ESYT2: variants seen among roughly 807,000 people sequenced by gnomAD.
ESYT2 encodes extended synaptotagmin 2.
Under a neutral mutation model 107.2 loss-of-function variants are expected in ESYT2, and 54 were observed. The observed-to-expected ratio is 0.50, with a 90% CI of 0.40 to 0.63. ESYT2 has a LOEUF of 0.63. Ranked by LOEUF, ESYT2 falls within the 30% of genes least tolerant of loss-of-function variation. The probability of loss-of-function intolerance (pLI) is 0.00; values close to 1 mark genes in which losing one functional copy is unlikely to be tolerated. For synonymous variants in ESYT2, 491 were observed against 434.1 expected, an observed-to-expected ratio of 1.13 and a Z score of -1.63; for missense variants, 1,020 against 1,094.5, an observed-to-expected ratio of 0.93 and a Z score of 0.96.
At chr7:158,754,918 C>G (rs1213634289) in intron 13 of ESYT2, among the ~76,000 whole-genome samples, 1 of 152,124 alleles carries the variant, frequency 6.6e-6, no homozygotes, top group Admixed American at 6.5e-5. Flanking sequence ...AGACCCCTGC[C>G]TGGCTCCTGG....
chr7:158,814,581 C>G (rs932200395), intron 1 of ESYT2, among the ~76,000 whole-genome samples: 1 of 152,138 alleles, frequency 6.6e-6, no homozygotes, highest in African/African-American at 2.4e-5. Context: ...CACCTCCTAA[C>G]GTATTTAAGA....
chr7:158,737,199 A>G lies in ESYT2; in HGVS notation c.2268-20T>C. 6.2e-7 allele frequency: 1 copy of G among 1,612,026 alleles called. No individual in the cohort carries two copies. The highest frequency in any genetic ancestry group is 8.5e-7 in the Non-Finnish European group (1 of 1,178,582). ...AGGTTTCTTACAACACAAACCAGAT[A>G]AGACGAGGTATTAGGACCGAGAAAA... On this transcript the variant is annotated intron_variant, in intron 19 of 22. Transcript: ENST00000275418.
chr7:158,741,615 G>C lies in ESYT2; in HGVS notation c.2076C>G (p.Ile692Met). ...TGCTGGGGGTCGGCTCCTTGACTGA[G>C]ATGTGGCCTGGGGAGGCCAGGAGGC... ...SSSLLASPGHISVKEPTPSIA... is the reference protein window; with the variant it reads ...SSSLLASPGHMSVKEPTPSIA... The change falls in exon 18 of 23, where the codon ATC becomes ATG. Residue 692 changes from isoleucine to methionine, a missense_variant. Transcript: ENST00000275418. 1 of 1,613,092 alleles carries C rather than the reference G, an allele frequency of 6.2e-7. No individual in the cohort carries two copies. The highest frequency in any genetic ancestry group is 1.1e-5 in the South Asian group (1 of 91,074).
rs74754724 is a variant in ESYT2, at chr7:158,735,553, C to T, written c.2455G>A (p.Val819Met). 5.6e-6 allele frequency: 9 copies of T among 1,614,126 alleles called. No homozygotes were observed. Among genetic ancestry groups the T allele is most frequent in the Non-Finnish European group, 6.8e-6 (8 of 1,179,990 alleles). Reference sequence around the variant, plus strand: ...GACAGGAAGCCGCCACTGTTCTTCACGGCAACGTCGAGCGTTCTCCTCTGC... The same window carrying T: ...GACAGGAAGCCGCCACTGTTCTTCATGGCAACGTCGAGCGTTCTCCTCTGC... ...EVQRRTLDVA[V>M]KNSGGFLSKD... Residue 819 changes from valine (V) to methionine (M), a missense_variant, in exon 21 of 23, where the codon GTG (valine) becomes ATG (methionine). Coordinates refer to ENST00000275418, the MANE Select transcript of ESYT2 (RefSeq NM_001367773.1).
chr7:158,771,882 G>A (rs1276775859), intron 7 of ESYT2, among the ~76,000 whole-genome samples: 1 of 152,170 alleles, frequency 6.6e-6, no homozygotes, highest in Non-Finnish European at 1.5e-5. Flanking sequence ...ACTTTGGGAG[G>A]CCGAGGCAGG....
chr7:158,738,344 GACACACACACACACACACACACACAC>G (rs199580275), intron 19 of ESYT2, among the ~76,000 whole-genome samples: 5 of 131,312 alleles, frequency 3.8e-5, no homozygotes, highest in Non-Finnish European at 7.9e-5. Context: ...CACACACACA[GACACACACACACACACACACACACAC>G]ACACACACTC....
chr7:158,755,112 A>G (rs1465335531), intron 13 of ESYT2, among the ~76,000 whole-genome samples: 2 of 152,102 alleles, frequency 1.3e-5, no homozygotes, highest in East Asian at 1.9e-4. Flanking sequence ...AAAAATTCCT[A>G]TTGTCCTAAG....
chr7:158,766,304 C>G (rs1169595442), intron 8 of ESYT2, among the ~76,000 whole-genome samples: 1 of 152,198 alleles, frequency 6.6e-6, no homozygotes, highest in African/African-American at 2.4e-5. Flanking sequence ...TTGAGATAAT[C>G]TGGCCACATC....
intron 19 of ESYT2, among the ~76,000 whole-genome samples, chr7:158,738,327 ATACACACACACACACAGACACACACAC>A (rs1837046673): frequency 9.5e-6 from 1 of 105,432 alleles, no homozygotes; most frequent in African/African-American, 3.7e-5. Context: ...AAAAAAAAAA[ATACACACACACACACAGACACACACAC>A]ACACACACAC....
chr7:158,797,436 T>C (rs2129473527), intron 3 of ESYT2, among the ~76,000 whole-genome samples: 1 of 152,192 alleles, frequency 6.6e-6, no homozygotes, highest in South Asian at 2.1e-4. Context: ...CCAGCTGAAG[T>C]TGTTTAAAAA....
chr7:158,735,942 C>A (rs139056275), intron 20 of ESYT2, among the ~76,000 whole-genome samples: 197 of 152,276 alleles, frequency 1.3e-3, no homozygotes, highest in Admixed American at 2.0e-3. Flanking sequence ...GACAAAACAG[C>A]AATTCCAGAG....
Position 158,737,645 on chromosome 7 carries a change from G to A in ESYT2, c.2268-466C>T, listed in dbSNP as rs78333348. 4.6e-5 allele frequency among the ~76,000 whole-genome samples: 7 copies of A among 152,260 alleles called. No individual in the cohort carries two copies. In the East Asian group the frequency reaches 1.4e-3, roughly 29 times the overall value. ...TGCTGACTGACCACAAAGTCTAGGA[G>A]GGATTGTTTTGCTAGACTCCTCTAC... On this transcript the variant is annotated intron_variant, in intron 19 of 22. Coordinates refer to ENST00000275418, the MANE Select transcript of ESYT2 (RefSeq NM_001367773.1).
intron 12 of ESYT2, 100 bp downstream of exon 12, chr7:158,759,958 A>C: frequency 9.7e-7 from 1 of 1,026,754 alleles, no homozygotes; most frequent in Non-Finnish European, 1.5e-6. Context: ...TTACTGCTAT[A>C]ATTGTTAAAA....
rs575224418 is a variant in ESYT2 at position 158,794,545 on chromosome 7, C to T, written c.508-819G>A. 5.9e-5 allele frequency among the ~76,000 whole-genome samples: 9 copies of T among 152,248 alleles called. No individual in the cohort carries two copies. In the South Asian group the frequency reaches 1.9e-3, roughly 32 times the overall value. On this transcript the variant is annotated intron_variant, in intron 3 of 22. Coordinates refer to ENST00000275418, the MANE Select transcript of ESYT2 (RefSeq NM_001367773.1). ...ATGGCTCAAAGCTGTAATCCCCGCACTTTGGCAGGTGGAGGCGGAAGAAAC... is the reference window on the plus strand; with the variant it reads ...ATGGCTCAAAGCTGTAATCCCCGCATTTTGGCAGGTGGAGGCGGAAGAAAC...
Position 158,814,909 on chromosome 7 carries a change from A to T in ESYT2, c.330+14180T>A, listed in dbSNP as rs1840107367. 1.3e-5 allele frequency among the ~76,000 whole-genome samples: 2 copies of T among 151,918 alleles called. 1 individual carries two copies. The highest frequency in any genetic ancestry group is 4.2e-4 in the South Asian group (2 of 4,800). ...AAAATGACTAGATTAGATGGTGCCA[A>T]ATCCCCAGTTCCTCCCCTACTGCCA... On this transcript the variant is annotated intron_variant, in intron 1 of 22. Coordinates refer to ENST00000275418, the MANE Select transcript of ESYT2 (RefSeq NM_001367773.1).
intron 1 of ESYT2, among the ~76,000 whole-genome samples, chr7:158,821,766 C>T (rs1840291077): frequency 6.6e-6 from 1 of 152,334 alleles, no homozygotes; most frequent in East Asian, 1.9e-4. Flanking sequence ...CCTATCAGAA[C>T]TTCCATGCAT....
rs1221157252 is a variant in ESYT2, at chr7:158,741,769, G to A, written c.1922C>T (p.Pro641Leu). Reference sequence around the variant, plus strand: ...GGATGGAGCTGTGTTGCTGCCACCAGGGCCTGGAGACCCAGACATATGAGA... The same window carrying A: ...GGATGGAGCTGTGTTGCTGCCACCAAGGCCTGGAGACCCAGACATATGAGA... ...IKSHMSGSPGPGGSNTAPSTP... is the reference protein window; with the variant it reads ...IKSHMSGSPGLGGSNTAPSTP... The change falls in exon 18 of 23, where the codon CCT becomes CTT. Residue 641 changes from proline to leucine, a missense_variant. Coordinates refer to ENST00000275418, the MANE Select transcript of ESYT2 (RefSeq NM_001367773.1). 3 of 1,613,938 alleles carry A rather than the reference G, an allele frequency of 1.9e-6. No individual in the cohort carries two copies. Among genetic ancestry groups the A allele is most frequent in the African/African-American group, 1.3e-5 (1 of 74,888 alleles).
chr7:158,764,174 G>C (rs1452317334), intron 9 of ESYT2, among the ~76,000 whole-genome samples: 1 of 152,140 alleles, frequency 6.6e-6, no homozygotes, highest in Non-Finnish European at 1.5e-5. Flanking sequence ...CATTCTACTT[G>C]TACAGCATTG....
Position 158,806,097 on chromosome 7 carries a change from C to A in ESYT2, c.331-7025G>T, listed in dbSNP as rs1448456036. ...ACCGCGTGGGAGGCGCCGGGGCACA[C>A]CGCGTGGGAGGCGCCGGGGCACACC... On this transcript the variant is annotated intron_variant, in intron 1 of 22. Coordinates refer to ENST00000275418, the MANE Select transcript of ESYT2 (RefSeq NM_001367773.1). 4.7e-3 allele frequency among the ~76,000 whole-genome samples: 707 copies of A among 151,906 alleles called. 4 individuals are homozygous for A. The highest frequency in any genetic ancestry group is 0.014 in the African/African-American group (583 of 41,390).
Sources: allele counts gnomAD v4.1 joint callset (sites outside exome capture counted in the v4.1 genomes callset), GRCh38; gene constraint gnomAD v4.1.1; transcripts MANE v1.5; gene names NCBI Gene and HGNC (gene_info 2026-07-23, HGNC 2026-07-21).